CDC25C: variants seen among roughly 807,000 people sequenced by gnomAD.
CDC25C encodes cell division cycle 25C.
CDC25C carries 48 observed loss-of-function variants against 52.5 expected under a neutral mutation model. The ratio of observed to expected loss-of-function variants is 0.91; its 90% confidence interval spans 0.72 to 1.16. The LOEUF (loss-of-function observed/expected upper bound fraction) is 1.16, where lower values mean the gene tolerates loss of function less well. Ranked by LOEUF, CDC25C falls within the 50% of genes most tolerant of loss-of-function variation. CDC25C has a pLI of 0.00. For synonymous variants in CDC25C, 187 were observed against 206.5 expected, an observed-to-expected ratio of 0.91 and a Z score of 0.81; for missense variants, 510 against 566.1, an observed-to-expected ratio of 0.90 and a Z score of 1.01.
At chr5:138,323,401 G>A (rs1056395845) in intron 6 of CDC25C, among the ~76,000 whole-genome samples, 1 of 151,990 alleles carries the variant, frequency 6.6e-6, no homozygotes, top group Non-Finnish European at 1.5e-5. Flanking sequence ...GGGCCGAGGC[G>A]ATCCTCTTGC....
chr5:138,310,187 C>T (rs1758335088), intron 7 of CDC25C, among the ~76,000 whole-genome samples: 1 of 152,192 alleles, frequency 6.6e-6, no homozygotes, highest in Non-Finnish European at 1.5e-5. Flanking sequence ...CTTGTTCATC[C>T]ACCATTGGCA....
intron 2 of CDC25C, 73 bp downstream of exon 2, chr5:138,330,914 A>G (rs1177834215): frequency 1.8e-6 from 2 of 1,101,836 alleles, no homozygotes; most frequent in Admixed American, 1.8e-5. Context: ...ATAATTGAAA[A>G]CAAACCAACA....
At position 138,314,365 on chromosome 5, in the gene CDC25C, G is replaced by C; in HGVS notation, c.615+4854C>G. ...GGCTAGAGTGCAACGGTGTGATCTT[G>C]GCTCAATGCAACCTCCACCTCCTGG... On this transcript the variant is annotated intron_variant, in intron 7 of 13. Coordinates refer to ENST00000323760, the MANE Select transcript of CDC25C (RefSeq NM_001790.5). 1.3e-5 allele frequency among the ~76,000 whole-genome samples: 2 copies of C among 149,728 alleles called. 1 individual carries two copies. Among genetic ancestry groups the C allele is most frequent in the Admixed American group, 1.3e-4 (2 of 14,918 alleles).
chr5:138,296,690 C>T (rs1348300522), intron 7 of CDC25C, among the ~76,000 whole-genome samples: 1 of 151,042 alleles, frequency 6.6e-6, no homozygotes, highest in African/African-American at 2.4e-5. Flanking sequence ...CCTGCAAGCT[C>T]CGCCTCCCAG....
chr5:138,294,586 G>C (rs1330253277), intron 7 of CDC25C, among the ~76,000 whole-genome samples: 2 of 141,922 alleles, frequency 1.4e-5, no homozygotes, highest in East Asian at 4.2e-4. Context: ...CGCACTGCAA[G>C]CTCTGCCTCC....
At chr5:138,325,454 T>TA (rs536064504) in intron 6 of CDC25C, among the ~76,000 whole-genome samples, 60 of 151,640 alleles carry the variant, frequency 4.0e-4, no homozygotes, top group African/African-American at 1.1e-3. Flanking sequence ...TGTAAAGTGG[T>TA]AAAAAAAAAT....
At chr5:138,319,079 G>T in intron 7 of CDC25C, 140 bp downstream of exon 7, 3 of 672,716 alleles carry the variant, frequency 4.5e-6, no homozygotes, top group Non-Finnish European at 7.5e-6. Flanking sequence ...TACTGAACAT[G>T]TTCTGGCTAT....
intron 4 of CDC25C, among the ~76,000 whole-genome samples, chr5:138,327,809 A>G (rs1188046609): frequency 6.6e-6 from 1 of 152,200 alleles, no homozygotes; most frequent in East Asian, 1.9e-4. Flanking sequence ...ACAACTGGTG[A>G]ATGAAGTAGT....
chr5:138,324,535 AG>A (rs944636295), intron 6 of CDC25C, among the ~76,000 whole-genome samples: 2 of 152,042 alleles, frequency 1.3e-5, no homozygotes, highest in African/African-American at 2.4e-5. Flanking sequence ...AGAGGAGGGC[AG>A]ACTACGAGGT....
Position 138,325,871 on chromosome 5 carries a change from C to A in CDC25C, c.403G>T (p.Asp135Tyr). The stretch of plus-strand genomic sequence containing the variant: ...GCATCTCTCTTTCTATGGCCACGGT[C>A]CAAACCATTCGGAGTGCTACAAAGA... ...QLLCSTPNGL[D>Y]RGHRKRDAMC... Residue 135 changes from aspartate to tyrosine, a missense_variant, in exon 6 of 14, where the codon GAC becomes TAC. Asp to Tyr is a radical substitution (Grantham distance 160, BLOSUM62 -3). Coordinates refer to ENST00000323760, the MANE Select transcript of CDC25C (RefSeq NM_001790.5). The A allele has an allele frequency of 6.2e-7, 1 of 1,614,114 alleles. No homozygotes were observed. Among genetic ancestry groups the A allele is most frequent in the South Asian group, 1.1e-5 (1 of 91,058 alleles).
upstream of CDC25C, among the ~76,000 whole-genome samples, chr5:138,334,810 A>T (rs948872812): frequency 1.3e-5 from 2 of 152,264 alleles, no homozygotes; most frequent in African/African-American, 4.8e-5. Context: ...GAAATGGTAG[A>T]ATTATTTTAA....
At chr5:138,322,793 T>G (rs886602287) in intron 6 of CDC25C, among the ~76,000 whole-genome samples, 11 of 151,746 alleles carry the variant, frequency 7.2e-5, no homozygotes, top group Non-Finnish European at 1.6e-4. Context: ...TTTTCATATT[T>G]TTTTTTCAGT....
chr5:138,299,858 G>A (rs1004245114), intron 7 of CDC25C, among the ~76,000 whole-genome samples: 3 of 151,740 alleles, frequency 2.0e-5, no homozygotes, highest in African/African-American at 4.8e-5. Context: ...AGCAAAAATC[G>A]ACAAACTTTT....
chr5:138,313,731 T>G (rs185303451), intron 7 of CDC25C, among the ~76,000 whole-genome samples: 1 of 152,208 alleles, frequency 6.6e-6, no homozygotes, highest in African/African-American at 2.4e-5. Context: ...CATTTTCTCC[T>G]CTATACAGCT....
chr5:138,297,103 G>T (rs547081022), intron 7 of CDC25C, among the ~76,000 whole-genome samples: 3 of 150,318 alleles, frequency 2.0e-5, no homozygotes, highest in African/African-American at 7.3e-5. Context: ...AGTAGAGACG[G>T]GGTTTCACCA....
rs139145068 is a variant in CDC25C at position 138,285,732 on chromosome 5, C to G, written c.1382G>C (p.Arg461Pro). 9 of 1,614,198 alleles carry G rather than the reference C, an allele frequency of 5.6e-6. No individual in the cohort carries two copies. The highest frequency in any genetic ancestry group is 1.3e-5 in the African/African-American group (1 of 75,056). Residue 461 changes from arginine (R) to proline (P), a missense_variant, in exon 14 of 14, where the codon CGG becomes CCG. By Grantham distance (103) the Arg-to-Pro change is moderately radical. Coordinates refer to ENST00000323760, the MANE Select transcript of CDC25C (RefSeq NM_001790.5). ...CTTCACCAGAAGGGCAATCTGCTCC[C>G]GCAGCTGCCGCTCCCCTTCCTGCAC... ...SKVQEGERQLREQIALLVKDM... is the reference protein window; with the variant it reads ...SKVQEGERQLPEQIALLVKDM...
intron 7 of CDC25C, among the ~76,000 whole-genome samples, chr5:138,313,689 C>T (rs568700904): frequency 6.6e-6 from 1 of 152,178 alleles, no homozygotes; most frequent in Non-Finnish European, 1.5e-5. Flanking sequence ...CCCAGCCTTT[C>T]TCTTCACTTT....
chr5:138,324,219 T>A (rs1759671865), intron 6 of CDC25C, among the ~76,000 whole-genome samples: 3 of 152,020 alleles, frequency 2.0e-5, no homozygotes, highest in Admixed American at 2.0e-4. Context: ...TGCAGTGAGC[T>A]GAGACTGCGC....
At chr5:138,289,366 A>G (rs1382798105) in intron 10 of CDC25C, 135 bp downstream of exon 10, 2 of 637,538 alleles carry the variant, frequency 3.1e-6, no homozygotes, top group Admixed American at 2.7e-5. Flanking sequence ...GTCCTTCAAT[A>G]TAACTTCAGT....
Sources: gnomAD v4.1 joint callset for allele counts (sites outside exome capture counted in the v4.1 genomes callset) on GRCh38, gnomAD v4.1.1 for gene constraint, MANE v1.5 for transcripts, NCBI Gene and HGNC (gene_info 2026-07-23, HGNC 2026-07-21) for gene names.